Variants in NRCAM observed in about 807,000 individuals in gnomAD.
The protein encoded by NRCAM is neuronal cell adhesion molecule, also known as NgCAM-related cell adhesion molecule.
A neutral mutation model predicts 156.5 loss-of-function variants in NRCAM; 83 were observed. The ratio of observed to expected loss-of-function variants is 0.53; its 90% CI spans 0.44 to 0.64. NRCAM has a LOEUF of 0.64. Ranked by LOEUF, NRCAM falls within the 30% of genes least tolerant of loss-of-function variation. The pLI is 0.00. For missense variants in NRCAM, 1,417 were observed against 1,597.3 expected, an observed-to-expected ratio of 0.89 and a Z score of 1.92; for synonymous variants, 538 against 563.9, an observed-to-expected ratio of 0.95 and a Z score of 0.65.
chr7:108,343,926 G>C (rs2099322980), intron 2 of NRCAM, among the ~76,000 whole-genome samples: 2 of 152,180 alleles, frequency 1.3e-5, no homozygotes, highest in Admixed American at 6.5e-5. Flanking sequence ...AATCAAAGCT[G>C]TAAAACTACA....
intron 2 of NRCAM, among the ~76,000 whole-genome samples, chr7:108,319,602 A>T (rs1052755957): frequency 6.6e-6 from 1 of 152,212 alleles, no homozygotes; most frequent in African/African-American, 2.4e-5. Flanking sequence ...AAATGGATCT[A>T]AAAATACCAA....
At chr7:108,409,846 C>T (rs959864869) in intron 1 of NRCAM, among the ~76,000 whole-genome samples, 1 of 152,184 alleles carries the variant, frequency 6.6e-6, no homozygotes, top group Non-Finnish European at 1.5e-5. Flanking sequence ...TGAAGGACAT[C>T]TAGATTCTAA....
At chr7:108,186,708 T>C (rs1313887208) in intron 20 of NRCAM, among the ~76,000 whole-genome samples, 1 of 152,268 alleles carries the variant, frequency 6.6e-6, no homozygotes, top group African/African-American at 2.4e-5. Context: ...TCTTTATATG[T>C]ATTTATATCT....
intron 1 of NRCAM, among the ~76,000 whole-genome samples, chr7:108,441,477 C>A (rs1043411046): frequency 2.6e-5 from 4 of 152,208 alleles, no homozygotes; most frequent in South Asian, 2.1e-4. Context: ...CTTCAGGACT[C>A]AGTTCTCTAT....
intron 2 of NRCAM, among the ~76,000 whole-genome samples, chr7:108,383,566 C>A (rs2099711512): frequency 6.6e-6 from 1 of 152,172 alleles, no homozygotes; most frequent in Non-Finnish European, 1.5e-5. Flanking sequence ...CCATCTTGAA[C>A]ATCCAAGGGC....
chr7:108,148,507 G>A lies in NRCAM; in HGVS notation c.*1403C>T, dbSNP rs1563137120. On this transcript the variant is annotated 3_prime_UTR_variant, in exon 33 of 33. Coordinates refer to ENST00000379028, the MANE Select transcript of NRCAM (RefSeq NM_001037132.4). ...GTTGTTATAGATTTTCATATTTGGA[G>A]GTAACCCATTTGATAGATATTGTTT... The A allele has an allele frequency of 6.6e-6, 1 of 152,602 alleles. No individual in the cohort carries two copies. The highest frequency in any genetic ancestry group is 6.5e-5 in the Admixed American group (1 of 15,274). 9.5% of individuals were successfully genotyped at this position (152,602 alleles called of 1,614,324 possible).
intron 32 of NRCAM, among the ~76,000 whole-genome samples, chr7:108,153,180 T>C (rs1431825546): frequency 6.6e-6 from 1 of 152,086 alleles, no homozygotes; most frequent in Non-Finnish European, 1.5e-5. Context: ...TTCATGAACA[T>C]AGATGAAAAA....
chr7:108,433,878 A>G (rs1828870560), intron 1 of NRCAM, among the ~76,000 whole-genome samples: 3 of 152,226 alleles, frequency 2.0e-5, no homozygotes, highest in Admixed American at 1.3e-4. Context: ...GGACTAGAAC[A>G]TCATGTATGT....
intron 2 of NRCAM, among the ~76,000 whole-genome samples, chr7:108,399,196 G>A (rs1196868980): frequency 1.3e-5 from 2 of 149,864 alleles, no homozygotes; most frequent in Non-Finnish European, 3.0e-5. Context: ...TGTATGTTCA[G>A]ATAGATCTTC....
intron 10 of NRCAM, among the ~76,000 whole-genome samples, chr7:108,224,943 A>G (rs568475890): frequency 6.6e-6 from 1 of 152,296 alleles, no homozygotes; most frequent in South Asian, 2.1e-4. Flanking sequence ...CTCAAGGGTG[A>G]AAAATTAATA....
intron 32 of NRCAM, among the ~76,000 whole-genome samples, chr7:108,152,497 A>G (rs2042269873): frequency 6.6e-6 from 1 of 150,854 alleles, no homozygotes; most frequent in African/African-American, 2.4e-5. Flanking sequence ...GAACATTGTA[A>G]GGACGCTGCC....
chr7:108,200,050 GA>G (rs1184365123), intron 13 of NRCAM, among the ~76,000 whole-genome samples: 1 of 151,956 alleles, frequency 6.6e-6, no homozygotes, highest in Non-Finnish European at 1.5e-5. Flanking sequence ...CATTCCCAAG[GA>G]AAAATGTAAC....
intron 2 of NRCAM, among the ~76,000 whole-genome samples, chr7:108,339,386 A>G (rs1384355452): frequency 6.6e-6 from 1 of 152,234 alleles, no homozygotes; most frequent in Non-Finnish European, 1.5e-5. Context: ...TACTTCTAGA[A>G]TCAAAAAGAT....
intron 2 of NRCAM, among the ~76,000 whole-genome samples, chr7:108,398,642 C>T (rs1237786608): frequency 6.6e-6 from 1 of 152,188 alleles, no homozygotes; most frequent in Admixed American, 6.5e-5. Flanking sequence ...TTACCTAACT[C>T]CTATTCCACT....
At chr7:108,271,467 G>A (rs1241779733) in intron 3 of NRCAM, among the ~76,000 whole-genome samples, 1 of 152,122 alleles carries the variant, frequency 6.6e-6, no homozygotes. Context: ...GGAGGCTAAC[G>A]CGGGCAGATC....
chr7:108,413,238 T>G (rs906087159), intron 1 of NRCAM, among the ~76,000 whole-genome samples: 2 of 152,110 alleles, frequency 1.3e-5, no homozygotes, highest in African/African-American at 2.4e-5. Flanking sequence ...AGGTGTGAGG[T>G]GATATCTCAC....
chr7:108,332,620 T>C (rs2099138181), intron 2 of NRCAM, among the ~76,000 whole-genome samples: 1 of 152,170 alleles, frequency 6.6e-6, no homozygotes, highest in Non-Finnish European at 1.5e-5. Flanking sequence ...TGAATGAAAG[T>C]AGTCAAACAC....
chr7:108,275,438 T>A (rs1401199662), intron 3 of NRCAM, among the ~76,000 whole-genome samples: 17 of 152,230 alleles, frequency 1.1e-4, no homozygotes, highest in Non-Finnish European at 2.5e-4. Context: ...TATTCAGAGA[T>A]TCAACTTCTT....
chr7:108,353,886 C>T (rs1053534078), intron 2 of NRCAM, among the ~76,000 whole-genome samples: 2 of 152,222 alleles, frequency 1.3e-5, no homozygotes, highest in African/African-American at 2.4e-5. Context: ...CTCCATTGCA[C>T]AGAGGAACAT....
Sources: gnomAD v4.1 joint callset for allele counts (sites outside exome capture counted in the v4.1 genomes callset) on GRCh38, gnomAD v4.1.1 for gene constraint, MANE v1.5 for transcripts, NCBI Gene and HGNC (gene_info 2026-07-23, HGNC 2026-07-21) for gene names.